DHX58: variants seen among roughly 807,000 people sequenced by gnomAD.
DHX58 encodes the protein DExH-box helicase 58.
Under a neutral mutation model 65.0 loss-of-function variants are expected in DHX58, and 51 were observed. That is an observed-to-expected ratio of 0.78 (90% CI 0.63 to 0.99). The LOEUF (loss-of-function observed/expected upper bound fraction) is 0.99. DHX58 is among the 50% of genes least tolerant of loss of function. The pLI is 0.00. For missense variants in DHX58, 773 were observed against 891.8 expected (o/e 0.87, Z 1.70); for synonymous variants, 350 against 365.0 (o/e 0.96, Z 0.47).
At position 42,111,370 on chromosome 17, in the gene DHX58, A is replaced by G. The variant is rs143936298; in HGVS notation, c.296T>C (p.Leu99Pro). The change falls in exon 4 of 14, where the codon CTG (leucine) becomes CCG (proline). Residue 99 changes from leucine (L) to proline (P), a missense_variant. Physicochemically the swap from Leu to Pro is moderately conservative, Grantham distance 98. Coordinates refer to ENST00000251642, the MANE Select transcript of DHX58 (RefSeq NM_024119.3). Reference protein sequence around the residue: ...GFGHLARCHDLLICTAELLQM... With the variant: ...GFGHLARCHDPLICTAELLQM... ...CAGAAGCTCTGCTGTGCAGATGAGCAGGTCATGGCACCGGGCCAGGTGGCC... is the reference window on the plus strand; with the variant it reads ...CAGAAGCTCTGCTGTGCAGATGAGCGGGTCATGGCACCGGGCCAGGTGGCC... The G allele has an allele frequency of 5.0e-6, 8 of 1,614,084 alleles. No individual in the cohort carries two copies. The African/African-American group carries it at 1.1e-4, about 22-fold the overall frequency.
At chr17:42,112,259 GA>G in intron 1 of DHX58, 54 bp from the exon 2 acceptor site, 1 of 189,288 alleles carries the variant, frequency 5.3e-6, no homozygotes. Context: ...CCCGCCCCAG[GA>G]AAAAGAACCA....
At position 42,111,348 on chromosome 17, in the gene DHX58, A is replaced by G; in HGVS notation, c.318T>C (p.Leu106=). The stretch of plus-strand genomic sequence containing the variant: ...CGGGGCTGGTCAGTGCCATCTGCAG[A>G]AGCTCTGCTGTGCAGATGAGCAGGT... The part of the protein sequence containing the change: ...CHDLLICTAE[L]LQMALTSPEE... Residue 106 remains leucine, a synonymous_variant, in exon 4 of 14, where the codon CTT becomes CTC. Coordinates refer to ENST00000251642, the MANE Select transcript of DHX58 (RefSeq NM_024119.3). 1 of 1,614,154 alleles carries G rather than the reference A, an allele frequency of 6.2e-7. No homozygotes were observed. Among genetic ancestry groups the G allele is most frequent in the Non-Finnish European group, 8.5e-7 (1 of 1,179,988 alleles).
chr17:42,111,965 C>A, intron 2 of DHX58, 72 bp from the exon 3 acceptor site: 1 of 1,520,548 alleles, frequency 6.6e-7, no homozygotes, highest in South Asian at 1.3e-5. Context: ...CCAGTCAGTA[C>A]AGAGACCTCC....
At chr17:42,110,969 C>T (rs1283672277) in intron 4 of DHX58, 56 bp from the exon 5 acceptor site, 2 of 1,522,114 alleles carry the variant, frequency 1.3e-6, no homozygotes, top group East Asian at 2.3e-5. Flanking sequence ...TTCCTCCCAT[C>T]AGCTTTCAAG....
intron 8 of DHX58, 67 bp downstream of exon 8, chr17:42,107,537 C>T: frequency 6.8e-7 from 1 of 1,462,644 alleles, no homozygotes; most frequent in Non-Finnish European, 9.1e-7. Flanking sequence ...GGCGCCTGTG[C>T]CCTGGCCTCT....
intron 8 of DHX58, among the ~76,000 whole-genome samples, chr17:42,106,881 T>C (rs950679926): frequency 4.6e-5 from 7 of 152,042 alleles, no homozygotes; most frequent in African/African-American, 9.7e-5. Context: ...GGTCATACAG[T>C]ACAGAACCTC....
chr17:42,106,595 C>T (rs920513394), intron 8 of DHX58, among the ~76,000 whole-genome samples: 12 of 144,316 alleles, frequency 8.3e-5, no homozygotes, highest in East Asian at 4.1e-4. Flanking sequence ...GTCAGGAGTT[C>T]GAGACCAGCC....
At position 42,109,247 on chromosome 17, in the gene DHX58, G is replaced by A. The variant is rs202239919; in HGVS notation, c.678+23C>T. The A allele has an allele frequency of 8.4e-5, 135 of 1,597,786 alleles. 1 individual carries two copies. Among genetic ancestry groups the A allele is most frequent in the South Asian group, 6.4e-4 (57 of 88,742 alleles). ...TAACTTCACACCGGCTCCCGCTCTC[G>A]CCGTGTCCCTGCCCCCGCGTACCTG... is the stretch of plus-strand genomic sequence containing the variant. On this transcript the variant is annotated intron_variant, in intron 6 of 13. Transcript: ENST00000251642.
chr17:42,101,675 G>GCCTGAATC lies in DHX58; in HGVS notation c.*85_*86insGATTCAGG. The GCCTGAATC allele has an allele frequency of 6.5e-7, 1 of 1,529,248 alleles. No individual in the cohort carries two copies. The highest frequency in any genetic ancestry group is 1.2e-5 in the South Asian group (1 of 80,208). 94.7% of individuals were successfully genotyped at this position (1,529,248 alleles called of 1,614,324 possible). On this transcript the variant is annotated 3_prime_UTR_variant, in exon 14 of 14. Transcript: ENST00000251642. The stretch of plus-strand genomic sequence containing the variant: ...GCTGGTGGGCCTGATGCCCACAGCT[G>GCCTGAATC]ATGATTCAGGAAGGAGGGGCCTGGA...
chr17:42,112,687 G>C lies in DHX58; in HGVS notation c.-177C>G, dbSNP rs1468223623. The C allele has an allele frequency of 6.6e-6, 1 of 152,154 alleles. No individual in the cohort carries two copies. Among genetic ancestry groups the C allele is most frequent in the Non-Finnish European group, 1.5e-5 (1 of 68,084 alleles). 9.4% of individuals were successfully genotyped at this position (152,154 alleles called of 1,614,324 possible). A position where few individuals can be genotyped will look rare whatever the true frequency, so the allele number is the denominator to read the frequency against. On this transcript the variant is annotated 5_prime_UTR_variant, in exon 1 of 14. Coordinates refer to ENST00000251642, the MANE Select transcript of DHX58 (RefSeq NM_024119.3). ...GCCCTGCTTAGCTCAGCCTGGTGCC[G>C]CTGTGCTCAGCGCAGAGAGCAGAAA...
chr17:42,106,020 T>C, intron 8 of DHX58, 31 bp from the exon 9 acceptor site: 1 of 1,594,356 alleles, frequency 6.3e-7, no homozygotes, highest in Non-Finnish European at 8.5e-7. Context: ...TAGCTGGGTG[T>C]AGTGGCACAT....
chr17:42,110,433 T>G (rs1323370203), intron 5 of DHX58, among the ~76,000 whole-genome samples: 1 of 152,136 alleles, frequency 6.6e-6, no homozygotes. Flanking sequence ...ATGTTCAACA[T>G]GCAGAAGGCA....
rs782485403 is a variant in DHX58, at chr17:42,108,116, AGAG to A, written c.679-11_679-9del. The A allele has an allele frequency of 1.2e-6, 2 of 1,614,226 alleles. No individual in the cohort carries two copies. The highest frequency in any genetic ancestry group is 1.1e-5 in the South Asian group (1 of 91,090). On this transcript the variant is annotated splice_polypyrimidine_tract_variant and intron_variant, in intron 6 of 13. Transcript: ENST00000251642. Reference sequence around the variant, plus strand: ...CAAGTCCCCAAACGGATCCTGAGCAAGAGGAGAGTTGGAGGGGATTCCCATACA... The same window carrying A: ...CAAGTCCCCAAACGGATCCTGAGCAAGAGAGTTGGAGGGGATTCCCATACA...
At chr17:42,111,265 G>GT (rs2054147202) in intron 4 of DHX58, 31 bp downstream of exon 4, 1 of 1,599,710 alleles carries the variant, frequency 6.3e-7, no homozygotes, top group East Asian at 2.3e-5. Context: ...CCCCAGATGC[G>GT]TATCTTTTTC....
In DHX58 at chr17:42,110,807, C is replaced by T. The variant is rs1330683389; in HGVS notation, c.477G>A (p.Pro159=). The T allele has an allele frequency of 4.3e-6, 7 of 1,613,742 alleles. No homozygotes were observed. Among genetic ancestry groups the T allele is most frequent in the African/African-American group, 1.3e-5 (1 of 74,874 alleles). ...CTGTGAGACCCAGCACCTGGGGTAG[C>T]GGCTGTGCCCTCTGGAGTTTAAGTT... ...YLELKLQRAQ[P]LPQVLGLTAS... Residue 159 remains proline, a synonymous_variant, in exon 5 of 14, where the codon CCG becomes CCA. Coordinates refer to ENST00000251642, the MANE Select transcript of DHX58 (RefSeq NM_024119.3).
intron 2 of DHX58, 80 bp from the exon 3 acceptor site, chr17:42,111,973 T>A: frequency 6.7e-7 from 1 of 1,503,664 alleles, no homozygotes; most frequent in Non-Finnish European, 8.9e-7. Context: ...TACAGAGACC[T>A]CCCTTTGCCC....
intron 8 of DHX58, 144 bp from the exon 9 acceptor site, chr17:42,106,133 T>C (rs1598216475): frequency 7.0e-6 from 5 of 715,778 alleles, no homozygotes; most frequent in South Asian, 4.8e-5. Context: ...CACTCCAGGC[T>C]GTGTAACAGA....
Position 42,101,951 on chromosome 17 carries a change from A to C in DHX58, c.1852-5T>G, listed in dbSNP as rs1449932290. ...GATCATCTGCAGACCCCAGACCTGG[A>C]GGTGAGACAGAGAGGGTAGGGTCTG... On this transcript the variant is annotated splice_region_variant and splice_polypyrimidine_tract_variant and intron_variant, in intron 13 of 13. Coordinates refer to ENST00000251642, the MANE Select transcript of DHX58 (RefSeq NM_024119.3). 4.4e-6 allele frequency: 7 copies of C among 1,605,672 alleles called. No homozygotes were observed. The Admixed American group carries it at 1.0e-4, about 24-fold the overall frequency.
chr17:42,103,467 A>G (rs2054007749), intron 12 of DHX58, 141 bp downstream of exon 12: 2 of 1,100,136 alleles, frequency 1.8e-6, no homozygotes, highest in South Asian at 1.5e-5. Context: ...GGAGACAGGG[A>G]TAAAACCTGT....
Sources: gnomAD v4.1 joint callset for allele counts (sites outside exome capture counted in the v4.1 genomes callset) on GRCh38, gnomAD v4.1.1 for gene constraint, MANE v1.5 for transcripts, NCBI Gene and HGNC (gene_info 2026-07-23, HGNC 2026-07-21) for gene names.